The following LPIN1 variants were observed in gnomAD, a reference collection of about 807,000 sequenced individuals.
The protein encoded by LPIN1 is lipin 1, also known as phosphatidate phosphatase LPIN1.
Under a neutral mutation model 107.5 loss-of-function variants are expected in LPIN1, and 71 were observed. The observed-to-expected ratio is 0.66, with a 90% CI of 0.55 to 0.80. The LOEUF (loss-of-function observed/expected upper bound fraction) is 0.80, where lower values mean the gene tolerates loss of function less well. Among genes scored for constraint, LPIN1 ranks in the 30% least tolerant of loss-of-function variants. The probability of loss-of-function intolerance (pLI) is 0.00; values close to 1 mark genes in which losing one functional copy is unlikely to be tolerated. For missense variants in LPIN1, 1,043 were observed against 1,160.6 expected (o/e 0.90, Z 1.47); for synonymous variants, 445 against 452.6 (o/e 0.98, Z 0.21).
chr2:11,680,162 G>A (rs1301099582), intron 1 of LPIN1, among the ~76,000 whole-genome samples: 3 of 152,222 alleles, frequency 2.0e-5, no homozygotes, highest in Non-Finnish European at 2.9e-5. Flanking sequence ...GGTGGGAGCT[G>A]TGACTGCCCT....
rs201897285 is a variant in LPIN1, at chr2:11,759,133, TTTTCTTTCTTTCTTTC to T, written c.-9-6356_-9-6341del. ...TGAGCTAGCTAGCTTGCTTTCTTTC[TTTTCTTTCTTTCTTTC>T]TTTCTTTCTTTCTTTCTTTCTTTCT... On this transcript the variant is annotated intron_variant, in intron 1 of 20. Transcript: ENST00000674199. Among the ~76,000 whole-genome samples, 831 of 131,640 alleles carry T rather than the reference TTTTCTTTCTTTCTTTC, an allele frequency of 6.3e-3. 6 individuals are homozygous for T. Among genetic ancestry groups the T allele is most frequent in the East Asian group, 0.018 (80 of 4,548 alleles). The allele number at this position is 131,640 out of a possible 152,430, so 86.4% of individuals were successfully genotyped here. A position where few individuals can be genotyped will look rare whatever the true frequency, so the allele number is the denominator to read the frequency against.
chr2:11,771,379 T>G lies in LPIN1; in HGVS notation c.296T>G (p.Ile99Ser), dbSNP rs1474246398. 3 of 1,614,162 alleles carry G rather than the reference T, an allele frequency of 1.9e-6. No homozygotes were observed. In the South Asian group the frequency reaches 3.3e-5, roughly 18 times the overall value. Residue 99 changes from isoleucine to serine, a missense_variant, in exon 4 of 21, where the codon ATC becomes AGC. Transcript: ENST00000674199. This position sits in a 1 kb window ranked among gnomAD's most constrained non-coding sequence, Gnocchi z 4.8. ...AATGTGTTCTTTTCTTAGGAAGTTA[T>G]CCCTATGCACCTGGCCACCTCCCCC... is the stretch of plus-strand genomic sequence containing the variant. ...VQETDNDQEV[I>S]PMHLATSPIL...
At chr2:11,809,737 C>T (rs750355556) in intron 17 of LPIN1, among the ~76,000 whole-genome samples, 1 of 152,076 alleles carries the variant, frequency 6.6e-6, no homozygotes, top group Non-Finnish European at 1.5e-5. Context: ...TCCTTTCCTG[C>T]CCGCAGCAGT....
intron 1 of LPIN1, among the ~76,000 whole-genome samples, chr2:11,761,199 A>G (rs775628583): frequency 6.6e-6 from 1 of 152,226 alleles, no homozygotes; most frequent in African/African-American, 2.4e-5. Context: ...CTCTTACCAA[A>G]CACACGTTAA....
intron 1 of LPIN1, among the ~76,000 whole-genome samples, chr2:11,687,545 T>G (rs1410748546): frequency 1.3e-5 from 2 of 152,108 alleles, no homozygotes; most frequent in African/African-American, 2.4e-5. Context: ...ATGAAGAGAA[T>G]GAGACTCTGT....
At chr2:11,769,010 AAAC>A (rs763440282) in intron 3 of LPIN1, among the ~76,000 whole-genome samples, 20,892 of 152,262 alleles carry the variant, frequency 0.14, 1,741 homozygotes, top group Middle Eastern at 0.2. Context: ...TAGCCGTTGT[AAAC>A]AACATGGCTG....
chr2:11,717,271 G>C (rs1485316651), intron 2 of LPIN1, among the ~76,000 whole-genome samples: 1 of 151,964 alleles, frequency 6.6e-6, no homozygotes, highest in Non-Finnish European at 1.5e-5. Context: ...GATAGAGGAG[G>C]GTCTGGCTGA....
intron 1 of LPIN1, among the ~76,000 whole-genome samples, chr2:11,740,092 G>A (rs1436330585): frequency 1.3e-5 from 2 of 152,314 alleles, no homozygotes; most frequent in South Asian, 2.1e-4. Flanking sequence ...AGGGGCCATC[G>A]GTGCAGGTCC....
At chr2:11,787,398 C>CTTTTTTTTTTTTTT (rs1205272301) in intron 11 of LPIN1, among the ~76,000 whole-genome samples, 6 of 64,566 alleles carry the variant, frequency 9.3e-5, no homozygotes, top group African/African-American at 1.6e-4. Flanking sequence ...TTTTCTTTTT[C>CTTTTTTTTTTTTTT]TTTTTTTTTT....
intron 1 of LPIN1, among the ~76,000 whole-genome samples, chr2:11,764,615 G>C (rs1446569128): frequency 6.6e-6 from 1 of 152,244 alleles, no homozygotes; most frequent in African/African-American, 2.4e-5. Flanking sequence ...CAGAGCGCTG[G>C]TGTTCCCTGG....
chr2:11,815,193 G>T lies in LPIN1; in HGVS notation c.2355G>T (p.Gln785His), dbSNP rs1224044531. The part of the protein sequence containing the change: ...WVNERGTVLP[Q>H]GPLLLSPSSL... ...ACGAGAGGGGCACGGTGCTGCCCCA[G>T]GGGCCCCTGCTGCTGAGTCCCAGCA... is the stretch of plus-strand genomic sequence containing the variant. The change falls in exon 18 of 21, where the codon CAG becomes CAT. Residue 785 changes from glutamine (Q) to histidine (H), a missense_variant. Transcript: ENST00000674199. The T allele has an allele frequency of 1.9e-6, 3 of 1,614,034 alleles. No homozygotes were observed. Among genetic ancestry groups the T allele is most frequent in the Non-Finnish European group, 2.5e-6 (3 of 1,180,014 alleles).
intron 17 of LPIN1, 124 bp from the exon 18 acceptor site, chr2:11,814,963 CT>C: frequency 4.6e-6 from 4 of 875,832 alleles, no homozygotes; most frequent in Non-Finnish European, 7.4e-6. Context: ...AGAATGTGGA[CT>C]TTTGTATGTG....
chr2:11,782,025 C>G (rs1333451902), intron 7 of LPIN1, among the ~76,000 whole-genome samples, 176 bp from the exon 8 acceptor site: 1 of 152,142 alleles, frequency 6.6e-6, no homozygotes, highest in Non-Finnish European at 1.5e-5. Flanking sequence ...TGCTTTGGAC[C>G]TAATATTCTT....
intron 19 of LPIN1, 149 bp from the exon 20 acceptor site, chr2:11,820,262 A>G (rs1681283301): frequency 9.3e-6 from 6 of 647,910 alleles, no homozygotes; most frequent in Middle Eastern, 3.6e-4. Flanking sequence ...ATAGTTTCCC[A>G]TCAAAGGATA....
intron 1 of LPIN1, among the ~76,000 whole-genome samples, chr2:11,693,877 C>T (rs1662439707): frequency 1.7e-5 from 2 of 119,952 alleles, no homozygotes; most frequent in South Asian, 3.1e-4. Flanking sequence ...CTCAGTTGCC[C>T]AGGCTGGAGT....
chr2:11,703,165 A>C (rs756582210), intron 1 of LPIN1, among the ~76,000 whole-genome samples: 4 of 152,216 alleles, frequency 2.6e-5, no homozygotes, highest in Non-Finnish European at 5.9e-5. Flanking sequence ...GGGAAAAGTC[A>C]TCTTTATCTC....
intron 4 of LPIN1, among the ~76,000 whole-genome samples, chr2:11,772,163 T>C (rs1434556361): frequency 6.6e-6 from 1 of 152,106 alleles, no homozygotes; most frequent in East Asian, 1.9e-4. Flanking sequence ...GAGGAGGAGC[T>C]TAGGTGGTAA....
At chr2:11,724,216 C>A, upstream of LPIN1, 1 of 494,708 alleles carries the variant, frequency 2.0e-6, no homozygotes, top group Non-Finnish European at 2.6e-6. Context: ...AAACCTGGCT[C>A]ACTCCTCTTC....
intron 2 of LPIN1, among the ~76,000 whole-genome samples, chr2:11,716,416 C>A (rs577521154): frequency 6.6e-6 from 1 of 152,206 alleles, no homozygotes; most frequent in Non-Finnish European, 1.5e-5. Context: ...CTCTCCCTCT[C>A]GTTCACTCTC....
Sources: allele counts gnomAD v4.1 joint callset (sites outside exome capture counted in the v4.1 genomes callset), GRCh38; gene constraint gnomAD v4.1.1; non-coding constraint Gnocchi (gnomAD v3.1); transcripts MANE v1.5; gene names NCBI Gene and HGNC (gene_info 2026-07-23, HGNC 2026-07-21).